MGAT4C: variants seen among roughly 807,000 people sequenced by gnomAD.
MGAT4C encodes MGAT4 family member C.
In MGAT4C, 19 loss-of-function variants were observed where a neutral mutation model predicts 40.1. That is an observed-to-expected ratio of 0.47 (90% CI 0.33 to 0.70). The LOEUF (loss-of-function observed/expected upper bound fraction) is 0.70. Ranked by LOEUF, MGAT4C falls within the 30% of genes least tolerant of loss-of-function variation. The pLI is 0.02. For missense variants in MGAT4C, 491 were observed against 563.2 expected, an observed-to-expected ratio of 0.87 and a Z score of 1.30; for synonymous variants, 181 against 187.1, an observed-to-expected ratio of 0.97 and a Z score of 0.27.
chr12:86,147,535 C>G (rs1472169051), intron 1 of MGAT4C, among the ~76,000 whole-genome samples: 1 of 152,244 alleles, frequency 6.6e-6, no homozygotes, highest in African/African-American at 2.4e-5. Flanking sequence ...GCCACCGTGC[C>G]TGGCCTATTA....
intron 4 of MGAT4C, among the ~76,000 whole-genome samples, chr12:86,263,246 G>A (rs949122527): frequency 2.0e-5 from 3 of 152,008 alleles, no homozygotes; most frequent in African/African-American, 7.2e-5. Flanking sequence ...TCACAAAGAG[G>A]TCAATTCAAG....
At chr12:86,011,262 TAAGTC>T (rs1888440588) in intron 2 of MGAT4C, among the ~76,000 whole-genome samples, 1 of 152,192 alleles carries the variant, frequency 6.6e-6, no homozygotes. Context: ...GTAAATTGCA[TAAGTC>T]AAGAACTTTT....
intron 2 of MGAT4C, among the ~76,000 whole-genome samples, chr12:86,480,077 T>A (rs1178610529): frequency 6.6e-6 from 1 of 151,856 alleles, no homozygotes; most frequent in African/African-American, 2.4e-5. Flanking sequence ...AAATCTATGC[T>A]TCTATTATGA....
chr12:86,157,321 A>G (rs967890990), intron 1 of MGAT4C, among the ~76,000 whole-genome samples: 1 of 152,164 alleles, frequency 6.6e-6, no homozygotes, highest in Non-Finnish European at 1.5e-5. Flanking sequence ...AGTATAATCA[A>G]TTACATCCAT....
intron 1 of MGAT4C, among the ~76,000 whole-genome samples, chr12:86,074,188 C>T (rs1266823015): frequency 6.6e-6 from 1 of 152,108 alleles, no homozygotes; most frequent in Non-Finnish European, 1.5e-5. Context: ...CACTTCCCAC[C>T]ATGATTCTGA....
intron 4 of MGAT4C, among the ~76,000 whole-genome samples, chr12:86,273,712 T>C (rs2136110259): frequency 6.6e-6 from 1 of 152,226 alleles, no homozygotes; most frequent in South Asian, 2.1e-4. Context: ...CCCAGTAATC[T>C]ACAAAACTTA....
intron 2 of MGAT4C, among the ~76,000 whole-genome samples, chr12:86,461,449 G>T (rs1302983324): frequency 6.6e-6 from 1 of 151,934 alleles, no homozygotes; most frequent in Non-Finnish European, 1.5e-5. Flanking sequence ...GTTTCACCTT[G>T]TTAGCCAGGA....
At chr12:86,228,822 G>C (rs754847165) in intron 1 of MGAT4C, among the ~76,000 whole-genome samples, 2 of 151,834 alleles carry the variant, frequency 1.3e-5, no homozygotes, top group Non-Finnish European at 3.0e-5. Flanking sequence ...ATTAATTCTT[G>C]TTAAGATCAG....
chr12:86,710,832 C>T (rs575629169), intron 2 of MGAT4C, among the ~76,000 whole-genome samples: 5 of 152,276 alleles, frequency 3.3e-5, no homozygotes, highest in African/African-American at 1.2e-4. Flanking sequence ...GGTATATATA[C>T]ACCATGAAAT....
intron 2 of MGAT4C, among the ~76,000 whole-genome samples, chr12:86,696,813 A>C (rs1374668033): frequency 6.6e-6 from 1 of 152,116 alleles, no homozygotes; most frequent in Non-Finnish European, 1.5e-5. Flanking sequence ...ATATGAGCCC[A>C]CTAAACAAAA....
intron 1 of MGAT4C, among the ~76,000 whole-genome samples, chr12:86,065,792 T>C (rs962707446): frequency 4.6e-5 from 7 of 152,150 alleles, no homozygotes; most frequent in Non-Finnish European, 7.4e-5. Context: ...GATGACATGA[T>C]TGTATGTTTA....
At chr12:86,255,423 G>C (rs1427418404) in intron 1 of MGAT4C, among the ~76,000 whole-genome samples, 1 of 151,942 alleles carries the variant, frequency 6.6e-6, no homozygotes, top group Non-Finnish European at 1.5e-5. Context: ...CCTATCCATA[G>C]CAGTTCAACA....
chr12:86,634,995 C>G (rs1229755568), intron 2 of MGAT4C, among the ~76,000 whole-genome samples: 6 of 152,148 alleles, frequency 3.9e-5, no homozygotes, highest in African/African-American at 1.4e-4. Context: ...TTGGCATAAA[C>G]ACATCCTCAG....
intron 1 of MGAT4C, among the ~76,000 whole-genome samples, chr12:86,207,302 C>G (rs1238828086): frequency 6.6e-6 from 1 of 151,842 alleles, no homozygotes; most frequent in East Asian, 1.9e-4. Context: ...ACTTCAAGTC[C>G]TGGGTTACAT....
chr12:86,666,613 A>G (rs903138899), intron 2 of MGAT4C, among the ~76,000 whole-genome samples: 1 of 152,178 alleles, frequency 6.6e-6, no homozygotes, highest in South Asian at 2.1e-4. Flanking sequence ...TGAAAACAAG[A>G]AGAATCATAA....
At chr12:86,520,472 C>T (rs1241438614) in intron 2 of MGAT4C, among the ~76,000 whole-genome samples, 1 of 152,042 alleles carries the variant, frequency 6.6e-6, no homozygotes, top group Non-Finnish European at 1.5e-5. Flanking sequence ...TTCCAGTCTA[C>T]CTTTGATGGG....
At chr12:86,763,150 T>G (rs1438325608) in intron 1 of MGAT4C, among the ~76,000 whole-genome samples, 1 of 152,172 alleles carries the variant, frequency 6.6e-6, no homozygotes, top group Non-Finnish European at 1.5e-5. Flanking sequence ...AAAGAGAAAT[T>G]ATCAAGAGAA....
At chr12:86,260,611 T>C (rs1300341929), upstream of MGAT4C, among the ~76,000 whole-genome samples, 4 of 152,110 alleles carry the variant, frequency 2.6e-5, no homozygotes, top group Non-Finnish European at 2.9e-5. Context: ...GCACTTACTT[T>C]CTCTAGAATA....
chr12:86,386,464 T>C (rs923299370), intron 3 of MGAT4C, among the ~76,000 whole-genome samples: 1 of 152,184 alleles, frequency 6.6e-6, no homozygotes, highest in Non-Finnish European at 1.5e-5. Context: ...AAGCTTCCCT[T>C]GTCTTATATG....
Sources: allele counts gnomAD v4.1 joint callset (sites outside exome capture counted in the v4.1 genomes callset), GRCh38; gene constraint gnomAD v4.1.1; transcripts MANE v1.5; gene names NCBI Gene and HGNC (gene_info 2026-07-23, HGNC 2026-07-21).